VRK3: variants seen among roughly 807,000 people sequenced by gnomAD.
The protein encoded by VRK3 is VRK serine/threonine kinase 3.
Under a neutral mutation model 60.4 loss-of-function variants are expected in VRK3, and 50 were observed. That is an observed-to-expected ratio of 0.83 (90% confidence interval 0.66 to 1.05). The LOEUF is 1.05. VRK3 is among the 50% of genes least tolerant of loss of function. The pLI is 0.00. For missense variants in VRK3, 549 were observed against 585.3 expected (o/e 0.94, Z 0.64); for synonymous variants, 246 against 227.8 (o/e 1.08, Z -0.72).
At chr19:50,023,068 T>G (rs775394650) in intron 1 of VRK3, among the ~76,000 whole-genome samples, 3 of 152,234 alleles carry the variant, frequency 2.0e-5, no homozygotes, top group Admixed American at 6.5e-5. Context: ...CTCTCCCATC[T>G]GCCTGGAACG....
At chr19:50,009,648 A>T (rs773571608) in intron 3 of VRK3, among the ~76,000 whole-genome samples, 1 of 152,036 alleles carries the variant, frequency 6.6e-6, no homozygotes, top group Non-Finnish European at 1.5e-5. Flanking sequence ...ATGTATGTAT[A>T]TTTGAGATGG....
At chr19:49,988,579 A>G in intron 11 of VRK3, 87 bp from the exon 12 acceptor site, 1 of 1,514,620 alleles carries the variant, frequency 6.6e-7, no homozygotes, top group East Asian at 2.4e-5. Flanking sequence ...CCTCTCTCTC[A>G]CTGACTCAAC....
At position 49,979,120 on chromosome 19, in the gene VRK3, G is replaced by C; in HGVS notation, c.1399C>G (p.Pro467Ala). Reference sequence around the variant, plus strand: ...TAGGGCACCATCGGGAGGCCAATGGGGTCATATGGAGACACACGCAGATCC... The same window carrying C: ...TAGGGCACCATCGGGAGGCCAATGGCGTCATATGGAGACACACGCAGATCC... ...LQDLRVSPYD[P>A]IGLPMVP Residue 467 changes from proline (P) to alanine (A), a missense_variant, in exon 14 of 15, where the codon CCC becomes GCC. Physicochemically the swap from Pro to Ala is conservative, Grantham distance 27. Transcript: ENST00000316763. 2.5e-6 allele frequency: 4 copies of C among 1,613,318 alleles called. No individual in the cohort carries two copies. The highest frequency in any genetic ancestry group is 3.4e-6 in the Non-Finnish European group (4 of 1,179,512).
chr19:50,013,906 G>A (rs957860272), intron 3 of VRK3, among the ~76,000 whole-genome samples: 1 of 152,172 alleles, frequency 6.6e-6, no homozygotes, highest in Admixed American at 6.5e-5. Context: ...ATTGCATAGA[G>A]GGAAGATGCA....
At chr19:49,988,683 TCA>T (rs1294777120) in intron 11 of VRK3, among the ~76,000 whole-genome samples, 191 bp from the exon 12 acceptor site, 2 of 150,726 alleles carry the variant, frequency 1.3e-5, no homozygotes, top group African/African-American at 5.0e-5. Flanking sequence ...ATTCTCTCTC[TCA>T]CTCAACCATT....
At chr19:50,021,981 C>T (rs1241344960) in intron 1 of VRK3, among the ~76,000 whole-genome samples, 1 of 151,974 alleles carries the variant, frequency 6.6e-6, no homozygotes, top group Non-Finnish European at 1.5e-5. Context: ...TCTTAAGCGG[C>T]GAGCCAGACA....
chr19:50,000,918 A>T (rs2076794096), intron 5 of VRK3, 64 bp from the exon 6 acceptor site: 1 of 1,516,548 alleles, frequency 6.6e-7, no homozygotes, highest in Non-Finnish European at 9.0e-7. Context: ...CATCATCCCC[A>T]AACTTCCCAG....
At position 49,988,173 on chromosome 19, in the gene VRK3, C is replaced by T. The variant is rs2076548893; in HGVS notation, c.1217+199G>A. The T allele has an allele frequency of 4.4e-6, 3 of 683,624 alleles. No individual in the cohort carries two copies. The Admixed American group carries it at 1.0e-4, about 23-fold the overall frequency. The allele number at this position is 683,624 out of a possible 1,614,324, so 42.3% of individuals were successfully genotyped here. On this transcript the variant is annotated intron_variant, in intron 12 of 14. Coordinates refer to ENST00000316763, the MANE Select transcript of VRK3 (RefSeq NM_016440.4). The stretch of plus-strand genomic sequence containing the variant: ...CACAGTGGTGGTGCCAGAGTCTGAG[C>T]CCAGGCAGTGTGGCTCCGGAACACC...
intron 5 of VRK3, among the ~76,000 whole-genome samples, chr19:50,001,650 T>A (rs528450385): frequency 2.8e-4 from 43 of 152,284 alleles, no homozygotes; most frequent in African/African-American, 9.1e-4. Flanking sequence ...TAGCCCTTAC[T>A]GTTCATTTAC....
At chr19:49,980,364 G>T (rs893376271) in intron 13 of VRK3, among the ~76,000 whole-genome samples, 10 of 152,110 alleles carry the variant, frequency 6.6e-5, no homozygotes, top group African/African-American at 2.4e-4. Context: ...ATGGCCCCAG[G>T]GTTAAGTGAA....
intron 12 of VRK3, among the ~76,000 whole-genome samples, chr19:49,987,267 C>T (rs2123059495): frequency 6.6e-6 from 1 of 152,316 alleles, no homozygotes; most frequent in Middle Eastern, 3.4e-3. Flanking sequence ...ACCCACAGCG[C>T]TTCCCTTTTG....
intron 12 of VRK3, among the ~76,000 whole-genome samples, chr19:49,985,891 T>A (rs984168339): frequency 6.6e-6 from 1 of 152,186 alleles, no homozygotes; most frequent in Non-Finnish European, 1.5e-5. Flanking sequence ...TGGCCCAGGT[T>A]TGAGCCCAGG....
At chr19:49,983,686 C>T (rs1045427745) in intron 12 of VRK3, among the ~76,000 whole-genome samples, 8 of 152,238 alleles carry the variant, frequency 5.3e-5, no homozygotes, top group African/African-American at 1.9e-4. Flanking sequence ...CTCATTTTGT[C>T]TGTCGTGAAC....
chr19:49,996,770 C>T (rs186366782), intron 7 of VRK3, among the ~76,000 whole-genome samples: 111 of 152,022 alleles, frequency 7.3e-4, no homozygotes, highest in Middle Eastern at 3.4e-3. Flanking sequence ...GCACACGCCA[C>T]CACGCCTGGC....
intron 7 of VRK3, among the ~76,000 whole-genome samples, chr19:49,996,383 T>TA (rs1438681516): frequency 6.6e-6 from 1 of 151,962 alleles, no homozygotes; most frequent in Non-Finnish European, 1.5e-5. Context: ...GCAGTGTAAA[T>TA]AAATACTCCT....
At chr19:50,023,662 G>A (rs1043452881) in intron 1 of VRK3, among the ~76,000 whole-genome samples, 1 of 152,052 alleles carries the variant, frequency 6.6e-6, no homozygotes, top group Non-Finnish European at 1.5e-5. Flanking sequence ...CTGGCACAGA[G>A]CAAATGCTGG....
Position 50,009,135 on chromosome 19 carries a change from T to A in VRK3, c.289+101A>T, listed in dbSNP as rs1195420193. 5.1e-6 allele frequency: 7 copies of A among 1,374,068 alleles called. No individual in the cohort carries two copies. The East Asian group carries it at 1.6e-4, about 32-fold the overall frequency. 85.1% of individuals were successfully genotyped at this position (1,374,068 alleles called of 1,614,324 possible). ...GAGTCAGAGTCCAGGCAGGGATGGA[T>A]GATGTTTGAGCCGGGGCTGTGGCAG... is the stretch of plus-strand genomic sequence containing the variant. On this transcript the variant is annotated intron_variant, in intron 4 of 14. Coordinates refer to ENST00000316763, the MANE Select transcript of VRK3 (RefSeq NM_016440.4).
chr19:49,976,843 C>T (rs1038891985), intron 14 of VRK3, 59 bp from the exon 15 acceptor site: 1 of 152,184 alleles, frequency 6.6e-6, no homozygotes, highest in Non-Finnish European at 1.5e-5. Context: ...CCCTCTATGC[C>T]TTCACTTCAT....
chr19:49,988,296 T>C (rs915853625), intron 12 of VRK3, 76 bp downstream of exon 12: 13 of 1,547,694 alleles, frequency 8.4e-6, no homozygotes, highest in African/African-American at 4.1e-5. Flanking sequence ...CTGCTCCCAG[T>C]TGGGCTCTGG....
Sources: gnomAD v4.1 joint callset for allele counts (sites outside exome capture counted in the v4.1 genomes callset) on GRCh38, gnomAD v4.1.1 for gene constraint, MANE v1.5 for transcripts, NCBI Gene and HGNC (gene_info 2026-07-23, HGNC 2026-07-21) for gene names.